Variants in ZNF385D observed in about 807,000 individuals in gnomAD.
ZNF385D encodes the protein zinc finger protein 659.
In ZNF385D, 15 loss-of-function variants were observed where a neutral mutation model predicts 35.8. The ratio of observed to expected loss-of-function variants is 0.42; its 90% CI spans 0.28 to 0.64. The LOEUF is 0.64. Ranked by LOEUF, ZNF385D falls within the 30% of genes least tolerant of loss-of-function variation. The probability of loss-of-function intolerance (pLI) is 0.23; values close to 1 mark genes in which losing one functional copy is unlikely to be tolerated. For synonymous variants in ZNF385D, 212 were observed against 186.8 expected (o/e 1.13, Z -1.10); for missense variants, 474 against 494.6 (o/e 0.96, Z 0.39).
intron 3 of ZNF385D, among the ~76,000 whole-genome samples, chr3:21,867,628 CTGGGAATACATACAT>C: frequency 6.6e-6 from 1 of 152,118 alleles, no homozygotes; most frequent in Admixed American, 6.5e-5. Flanking sequence ...AAATGTTGCC[CTGGGAATACATACAT>C]TTTGATGACT....
intron 3 of ZNF385D, among the ~76,000 whole-genome samples, chr3:21,814,393 A>T (rs1020734579): frequency 6.6e-6 from 1 of 151,862 alleles, no homozygotes; most frequent in African/African-American, 2.4e-5. Flanking sequence ...CAATTAAAAG[A>T]CACAGACTGG....
At chr3:21,894,108 T>G (rs560383922) in intron 3 of ZNF385D, among the ~76,000 whole-genome samples, 4 of 152,174 alleles carry the variant, frequency 2.6e-5, no homozygotes, top group African/African-American at 9.7e-5. Context: ...TTTTTAAACT[T>G]GCATAGTCAT....
At position 22,359,213 on chromosome 3, in the gene ZNF385D, G is replaced by A. The variant is rs182401451; in HGVS notation, c.106+13237C>T. On this transcript the variant is annotated intron_variant, in intron 2 of 5. Coordinates refer to the ZNF385D transcript ENST00000494108. ...GGTCATTTTAGGTCTACCATCATTAGTTAATGCTGGGAGGACACTGGAATT... is the reference window on the plus strand; with the variant it reads ...GGTCATTTTAGGTCTACCATCATTAATTAATGCTGGGAGGACACTGGAATT... Among the ~76,000 whole-genome samples the A allele has an allele frequency of 2.6e-4, 40 of 151,784 alleles. No individual in the cohort carries two copies. In the East Asian group the frequency reaches 7.8e-3, roughly 29 times the overall value.
At chr3:21,980,524 G>T (rs1694372543) in intron 3 of ZNF385D, among the ~76,000 whole-genome samples, 3 of 152,156 alleles carry the variant, frequency 2.0e-5, no homozygotes, top group Admixed American at 2.0e-4. Flanking sequence ...ACATGAAATT[G>T]CTGATTTTGT....
chr3:22,132,729 T>G (rs1703874623), intron 3 of ZNF385D, among the ~76,000 whole-genome samples: 1 of 152,132 alleles, frequency 6.6e-6, no homozygotes, highest in Non-Finnish European at 1.5e-5. Flanking sequence ...TAAGAGATAG[T>G]AATATTATAA....
In ZNF385D at chr3:22,336,928, A is replaced by AAAAAAAC. The variant is rs1434884181; in HGVS notation, c.106+35521_106+35522insGTTTTTT. Among the ~76,000 whole-genome samples the AAAAAAAC allele has an allele frequency of 7.4e-4, 108 of 146,732 alleles. 5 individuals carry two copies. Among genetic ancestry groups the AAAAAAAC allele is most frequent in the Non-Finnish European group, 1.4e-3 (95 of 66,552 alleles). ...ATTTTTCAAAAAAAAAAAAAAAAAA[A>AAAAAAAC]AAAAAAAAACCCTTACTGTTAGTGA... is the stretch of plus-strand genomic sequence containing the variant. On this transcript the variant is annotated intron_variant, in intron 2 of 5. Coordinates refer to the ZNF385D transcript ENST00000494108.
chr3:21,735,095 C>G (rs552339028), intron 1 of ZNF385D, among the ~76,000 whole-genome samples: 48 of 152,252 alleles, frequency 3.2e-4, no homozygotes, highest in African/African-American at 1.2e-3. Context: ...GTGCAGAGAT[C>G]TACCCACATT....
At chr3:22,249,852 T>C (rs367901167) in intron 2 of ZNF385D, among the ~76,000 whole-genome samples, 1 of 152,180 alleles carries the variant, frequency 6.6e-6, no homozygotes, top group African/African-American at 2.4e-5. Flanking sequence ...GATGGATGTA[T>C]ATGCCATGTC....
intron 3 of ZNF385D, among the ~76,000 whole-genome samples, chr3:21,782,648 C>T (rs2071538663): frequency 6.6e-6 from 1 of 151,976 alleles, no homozygotes; most frequent in East Asian, 1.9e-4. Context: ...AAAAAACACG[C>T]CTAATATACA....
intron 3 of ZNF385D, among the ~76,000 whole-genome samples, chr3:22,025,004 G>A (rs139353930): frequency 1.6e-4 from 25 of 152,246 alleles, no homozygotes; most frequent in African/African-American, 5.5e-4. Context: ...AGATGCGTGC[G>A]CAGCCTCACC....
At chr3:21,441,576 C>T in intron 4 of ZNF385D, 3 of 488,074 alleles carry the variant, frequency 6.1e-6, no homozygotes, top group Non-Finnish European at 8.0e-6. Context: ...AAGCGTGGCC[C>T]AAGCTAGAGT....
At chr3:21,890,394 A>C (rs1483799660) in intron 3 of ZNF385D, among the ~76,000 whole-genome samples, 2 of 152,076 alleles carry the variant, frequency 1.3e-5, no homozygotes, top group African/African-American at 2.4e-5. Context: ...CGAGGCGGGC[A>C]GATCACCTGA....
intron 3 of ZNF385D, among the ~76,000 whole-genome samples, chr3:21,960,360 G>A (rs542558583): frequency 1.3e-5 from 2 of 152,130 alleles, no homozygotes; most frequent in South Asian, 4.2e-4. Context: ...AATCATCGGG[G>A]AAATACAAAT....
At chr3:21,488,599 A>G (rs1317619542) in intron 4 of ZNF385D, among the ~76,000 whole-genome samples, 1 of 152,030 alleles carries the variant, frequency 6.6e-6, no homozygotes, top group African/African-American at 2.4e-5. Flanking sequence ...ATACTGTTCT[A>G]GTGAATTTGA....
chr3:21,691,983 T>A (rs2067301943), intron 1 of ZNF385D, among the ~76,000 whole-genome samples: 1 of 152,204 alleles, frequency 6.6e-6, no homozygotes, highest in Admixed American at 6.5e-5. Context: ...ATATAACGTT[T>A]GTACTTTTGT....
chr3:21,798,845 C>T (rs2072271472), intron 3 of ZNF385D, among the ~76,000 whole-genome samples: 1 of 152,068 alleles, frequency 6.6e-6, no homozygotes, highest in Admixed American at 6.6e-5. Flanking sequence ...TTAAAATGTA[C>T]AATTCAGTAG....
intron 3 of ZNF385D, among the ~76,000 whole-genome samples, chr3:22,084,179 G>C (rs543216366): frequency 1.3e-5 from 2 of 152,056 alleles, no homozygotes; most frequent in Non-Finnish European, 2.9e-5. Flanking sequence ...ATCAACTAAC[G>C]GGCAAAATAA....
intron 3 of ZNF385D, among the ~76,000 whole-genome samples, chr3:21,893,369 A>C (rs747764818): frequency 6.6e-6 from 1 of 152,056 alleles, no homozygotes; most frequent in Non-Finnish European, 1.5e-5. Flanking sequence ...ACAAACAAAA[A>C]AGTGCCTTGC....
At chr3:21,763,050 T>G (rs1269215541) in intron 3 of ZNF385D, among the ~76,000 whole-genome samples, 1 of 151,986 alleles carries the variant, frequency 6.6e-6, no homozygotes, top group Non-Finnish European at 1.5e-5. Context: ...TAAAATTAAG[T>G]CCCAAGTACC....
Sources: allele counts gnomAD v4.1 joint callset (sites outside exome capture counted in the v4.1 genomes callset), GRCh38; gene constraint gnomAD v4.1.1; transcripts MANE v1.5; gene names NCBI Gene and HGNC (gene_info 2026-07-23, HGNC 2026-07-21).